The following NCAM2 variants were observed in gnomAD, a reference collection of about 807,000 sequenced individuals.
NCAM2 encodes N-CAM-2.
In NCAM2, 30 loss-of-function variants were observed where a neutral mutation model predicts 98.1. That is an observed-to-expected ratio of 0.31 (90% confidence interval 0.23 to 0.41). The LOEUF is 0.41. Ranked by LOEUF, NCAM2 falls within the 10% of genes least tolerant of loss-of-function variation. The pLI is 1.00. For missense variants in NCAM2, 867 were observed against 1,005.8 expected, an observed-to-expected ratio of 0.86 and a Z score of 1.87; for synonymous variants, 368 against 342.4, an observed-to-expected ratio of 1.07 and a Z score of -0.83.
At chr21:21,302,427 G>C (rs2073748288) in intron 5 of NCAM2, among the ~76,000 whole-genome samples, 1 of 152,028 alleles carries the variant, frequency 6.6e-6, no homozygotes. Context: ...ATGATTCTAA[G>C]TGTATGATTT....
At chr21:21,213,919 A>G (rs573046646) in intron 1 of NCAM2, among the ~76,000 whole-genome samples, 1 of 152,250 alleles carries the variant, frequency 6.6e-6, no homozygotes, top group South Asian at 2.1e-4. Context: ...ATCAACTCAG[A>G]TCAACATAAC....
intron 1 of NCAM2, among the ~76,000 whole-genome samples, chr21:21,190,521 T>A (rs1004817216): frequency 3.9e-5 from 6 of 152,346 alleles, no homozygotes; most frequent in African/African-American, 1.4e-4. Flanking sequence ...TCTTCTTCAG[T>A]GTTCTGGTTA....
chr21:21,011,240 G>A (rs1488996214), intron 1 of NCAM2, among the ~76,000 whole-genome samples: 3 of 151,746 alleles, frequency 2.0e-5, no homozygotes, highest in Non-Finnish European at 2.9e-5. Context: ...TAGAGATGAG[G>A]GAACTGATTT....
chr21:21,498,045 A>T (rs1229843107), intron 15 of NCAM2, among the ~76,000 whole-genome samples: 2 of 152,148 alleles, frequency 1.3e-5, no homozygotes, highest in African/African-American at 4.8e-5. Context: ...TACACAATCT[A>T]CATCAGTGTA....
intron 14 of NCAM2, among the ~76,000 whole-genome samples, chr21:21,471,811 C>T (rs1473086924): frequency 1.3e-5 from 2 of 151,988 alleles, no homozygotes; most frequent in African/African-American, 4.8e-5. Context: ...ATTATTCTGT[C>T]AGCCTGTAAT....
rs377268529 is a variant in NCAM2, at chr21:21,286,294, A to G, written c.363A>G (p.Val121=). The change falls in exon 4 of 18, where the codon GTA becomes GTG. Residue 121 remains valine (V), a synonymous_variant. Coordinates refer to ENST00000400546, the MANE Select transcript of NCAM2 (RefSeq NM_004540.5). ...AAAAACTCACTTTCAGAGAAGTGGT[A>G]TCTCCACAAGAATTCAAACAAGGAG... is the stretch of plus-strand genomic sequence containing the variant. ...IYQKLTFREV[V]SPQEFKQGED... 4.0e-5 allele frequency: 64 copies of G among 1,609,492 alleles called. No individual in the cohort carries two copies. Among genetic ancestry groups the G allele is most frequent in the African/African-American group, 3.3e-4 (25 of 74,706 alleles).
At position 21,539,041 on chromosome 21, in the gene NCAM2, GATAA is replaced by G. The variant is rs1188964091; in HGVS notation, c.*1089_*1092del. Reference sequence around the variant, plus strand: ...TTTAATGTGCCATAAAAGAGTAAATGATAAATAATTAAATGCCACTATGTGTTCT... The same window carrying G: ...TTTAATGTGCCATAAAAGAGTAAATGATAATTAAATGCCACTATGTGTTCT... On this transcript the variant is annotated 3_prime_UTR_variant, in exon 18 of 18. Transcript: ENST00000400546. The G allele has an allele frequency of 6.6e-6, 1 of 152,098 alleles. No individual in the cohort carries two copies. Among genetic ancestry groups the G allele is most frequent in the Admixed American group, 6.6e-5 (1 of 15,256 alleles). 9.4% of individuals were successfully genotyped at this position (152,098 alleles called of 1,614,324 possible). A position where few individuals can be genotyped will look rare whatever the true frequency, so the allele number is the denominator to read the frequency against.
intron 15 of NCAM2, among the ~76,000 whole-genome samples, chr21:21,498,422 C>G (rs1987398007): frequency 1.3e-5 from 2 of 152,068 alleles, no homozygotes; most frequent in African/African-American, 4.8e-5. Flanking sequence ...TTTTTCTTTT[C>G]AAATTATTCA....
intron 11 of NCAM2, among the ~76,000 whole-genome samples, chr21:21,429,276 T>C (rs934550345): frequency 6.6e-6 from 1 of 152,208 alleles, no homozygotes; most frequent in African/African-American, 2.4e-5. Context: ...TCTCTGCAGG[T>C]GCACCATGTC....
At chr21:21,382,697 G>GT (rs898662610) in intron 9 of NCAM2, among the ~76,000 whole-genome samples, 22 of 151,420 alleles carry the variant, frequency 1.5e-4, no homozygotes, top group African/African-American at 5.1e-4. Flanking sequence ...GTTTTGTTTT[G>GT]TTTTTTGTAT....
chr21:21,065,824 C>T (rs1166288781), intron 1 of NCAM2, among the ~76,000 whole-genome samples: 1 of 152,068 alleles, frequency 6.6e-6, no homozygotes, highest in Non-Finnish European at 1.5e-5. Flanking sequence ...AGTTTTATGT[C>T]AATAAATTTG....
At chr21:21,397,737 C>T (rs1035400545) in intron 9 of NCAM2, among the ~76,000 whole-genome samples, 1 of 152,232 alleles carries the variant, frequency 6.6e-6, no homozygotes, top group Non-Finnish European at 1.5e-5. Context: ...CGGTAGGAGG[C>T]AGGGCTTCTT....
intron 6 of NCAM2, 50 bp downstream of exon 6, chr21:21,324,550 T>A: frequency 1.7e-6 from 2 of 1,154,040 alleles, no homozygotes; most frequent in Non-Finnish European, 2.4e-6. Flanking sequence ...ATCAGGCTTA[T>A]GGAACAGTAT....
intron 12 of NCAM2, among the ~76,000 whole-genome samples, chr21:21,448,139 C>T (rs1337212206): frequency 6.6e-6 from 1 of 152,104 alleles, no homozygotes; most frequent in Non-Finnish European, 1.5e-5. Flanking sequence ...GTCACGGAGC[C>T]AACCCAAATG....
chr21:21,022,845 T>C (rs1357781984), intron 1 of NCAM2, among the ~76,000 whole-genome samples: 1 of 152,168 alleles, frequency 6.6e-6, no homozygotes. Context: ...GTGATTGTCA[T>C]AGACATGTAG....
At chr21:21,453,685 T>C (rs560267771) in intron 12 of NCAM2, among the ~76,000 whole-genome samples, 1 of 152,260 alleles carries the variant, frequency 6.6e-6, no homozygotes, top group Non-Finnish European at 1.5e-5. Flanking sequence ...GCCATATGTT[T>C]AGTAAAGATG....
At chr21:21,367,986 G>T (rs539491037) in intron 8 of NCAM2, among the ~76,000 whole-genome samples, 2 of 151,854 alleles carry the variant, frequency 1.3e-5, no homozygotes, top group East Asian at 3.9e-4. Flanking sequence ...CTGTCTGTTG[G>T]AACCCACCTA....
chr21:21,517,703 C>T (rs938090331), intron 16 of NCAM2, among the ~76,000 whole-genome samples: 5 of 151,970 alleles, frequency 3.3e-5, no homozygotes, highest in Admixed American at 2.6e-4. Flanking sequence ...ACTAAAAATA[C>T]AAAAATTAGC....
chr21:21,325,103 A>G (rs990935764), intron 6 of NCAM2, among the ~76,000 whole-genome samples: 1 of 152,088 alleles, frequency 6.6e-6, no homozygotes, highest in Non-Finnish European at 1.5e-5. Context: ...AAAATATTCC[A>G]TTCTTTTAGA....
Sources: gnomAD v4.1 joint callset for allele counts (sites outside exome capture counted in the v4.1 genomes callset) on GRCh38, gnomAD v4.1.1 for gene constraint, MANE v1.5 for transcripts, NCBI Gene and HGNC (gene_info 2026-07-23, HGNC 2026-07-21) for gene names.